The following RAB3GAP1 variants were observed in gnomAD, a reference collection of about 807,000 sequenced individuals.
RAB3GAP1 encodes RAB3 GTPase activating protein catalytic subunit 1.
Under a neutral mutation model 130.7 loss-of-function variants are expected in RAB3GAP1, and 86 were observed. That is an observed-to-expected ratio of 0.66 (90% CI 0.55 to 0.79). The LOEUF (loss-of-function observed/expected upper bound fraction) is 0.79, where lower values mean the gene tolerates loss of function less well. Ranked by LOEUF, RAB3GAP1 falls within the 30% of genes least tolerant of loss-of-function variation. The pLI is 0.00. For synonymous variants in RAB3GAP1, 367 were observed against 401.7 expected, an observed-to-expected ratio of 0.91 and a Z score of 1.03; for missense variants, 1,029 against 1,169.4, an observed-to-expected ratio of 0.88 and a Z score of 1.75.
intron 7 of RAB3GAP1, among the ~76,000 whole-genome samples, chr2:135,117,408 A>C (rs1691002444): frequency 4.9e-5 from 2 of 40,672 alleles, no homozygotes; most frequent in South Asian, 1.8e-3. Context: ...TCAATACTTT[A>C]TTTCTTCTTC....
chr2:135,059,911 G>A (rs949333763), intron 3 of RAB3GAP1, among the ~76,000 whole-genome samples: 2 of 152,048 alleles, frequency 1.3e-5, no homozygotes, highest in South Asian at 4.1e-4. Context: ...AAAGTGTAGA[G>A]GACAGGGATT....
At chr2:135,138,375 G>A (rs757432933) in intron 17 of RAB3GAP1, among the ~76,000 whole-genome samples, 4 of 151,744 alleles carry the variant, frequency 2.6e-5, no homozygotes, top group Non-Finnish European at 4.4e-5. Flanking sequence ...AATTGAGCCC[G>A]GGAGGTTAAG....
chr2:135,090,339 G>T (rs1690108460), intron 3 of RAB3GAP1, among the ~76,000 whole-genome samples: 2 of 151,982 alleles, frequency 1.3e-5, no homozygotes. Flanking sequence ...ATCTAGTTTG[G>T]GGCTATCTGT....
intron 3 of RAB3GAP1, among the ~76,000 whole-genome samples, chr2:135,072,818 G>A (rs1298175000): frequency 6.6e-6 from 1 of 152,014 alleles, no homozygotes; most frequent in South Asian, 2.1e-4. Context: ...TTTTTCTTCT[G>A]TTAGTAAGTT....
intron 14 of RAB3GAP1, among the ~76,000 whole-genome samples, chr2:135,133,424 A>G (rs943584088): frequency 6.6e-6 from 1 of 152,110 alleles, no homozygotes; most frequent in South Asian, 2.1e-4. Flanking sequence ...GTGTAGATAT[A>G]TATCAACCTT....
At chr2:135,094,758 G>A (rs1184667068) in intron 5 of RAB3GAP1, among the ~76,000 whole-genome samples, 1 of 151,928 alleles carries the variant, frequency 6.6e-6, no homozygotes, top group Non-Finnish European at 1.5e-5. Flanking sequence ...AGTTCAGTTT[G>A]TTTGTTTTTT....
chr2:135,112,979 A>AG (rs1230734087), intron 5 of RAB3GAP1, among the ~76,000 whole-genome samples, 172 bp from the exon 6 acceptor site: 1 of 152,178 alleles, frequency 6.6e-6, no homozygotes, highest in Non-Finnish European at 1.5e-5. Flanking sequence ...GGATGATGGA[A>AG]GTGCTTCTTA....
intron 17 of RAB3GAP1, among the ~76,000 whole-genome samples, chr2:135,141,169 ATATGAG>A (rs1205752150): frequency 4.8e-5 from 7 of 146,684 alleles, no homozygotes; most frequent in African/African-American, 1.8e-4. Context: ...TATATTCTGG[ATATGAG>A]TCCTTAGATA....
intron 18 of RAB3GAP1, among the ~76,000 whole-genome samples, chr2:135,151,866 G>A (rs1692184903): frequency 1.3e-5 from 2 of 152,184 alleles, no homozygotes; most frequent in South Asian, 4.1e-4. Context: ...GGCATGCACG[G>A]GAGGACATTC....
intron 7 of RAB3GAP1, among the ~76,000 whole-genome samples, chr2:135,117,510 TCTG>T (rs1691022723): frequency 1.6e-4 from 12 of 76,906 alleles, no homozygotes; most frequent in African/African-American, 2.5e-4. Flanking sequence ...TTCTTCTTCT[TCTG>T]CTTCTTCTGC....
chr2:135,117,729 TCTTCTTCTG>T (rs1691061293), intron 7 of RAB3GAP1, among the ~76,000 whole-genome samples: 1 of 148,594 alleles, frequency 6.7e-6, no homozygotes, highest in African/African-American at 2.5e-5. Context: ...TTCTGCTTCT[TCTTCTTCTG>T]CTTCTTCTTC....
intron 8 of RAB3GAP1, 52 bp downstream of exon 8, chr2:135,120,970 G>A: frequency 2.4e-6 from 3 of 1,235,050 alleles, no homozygotes; most frequent in East Asian, 2.3e-5. Context: ...TGGAAAAGAA[G>A]ATACATTCAG....
Position 135,135,251 on chromosome 2 carries a change from ACTTT to A in RAB3GAP1, c.1500-13_1500-10del. 6.2e-7 allele frequency: 1 copy of A among 1,600,972 alleles called. No homozygotes were observed. The highest frequency in any genetic ancestry group is 8.6e-7 in the Non-Finnish European group (1 of 1,168,250). ...TAAAACTAAGCTTTCTTTTCTCCTT[ACTTT>A]ATTTGATAGATTAGCAAGTGGACCC... On this transcript the variant is annotated splice_polypyrimidine_tract_variant and intron_variant, in intron 15 of 23. Coordinates refer to ENST00000264158, the MANE Select transcript of RAB3GAP1 (RefSeq NM_012233.3).
At chr2:135,092,304 G>A (rs1460840066) in intron 4 of RAB3GAP1, among the ~76,000 whole-genome samples, 1 of 152,156 alleles carries the variant, frequency 6.6e-6, no homozygotes, top group Admixed American at 6.6e-5. Flanking sequence ...TCAAGATAGC[G>A]AAAATTTAAG....
At chr2:135,057,524 A>T (rs2104821191) in intron 2 of RAB3GAP1, among the ~76,000 whole-genome samples, 1 of 152,248 alleles carries the variant, frequency 6.6e-6, no homozygotes, top group Admixed American at 6.5e-5. Flanking sequence ...CCTCCTGCGT[A>T]GCTGGGATTA....
At chr2:135,076,600 C>T (rs1327554327) in intron 3 of RAB3GAP1, among the ~76,000 whole-genome samples, 2 of 152,120 alleles carry the variant, frequency 1.3e-5, no homozygotes, top group Non-Finnish European at 2.9e-5. Context: ...TATTTTCCCT[C>T]ATCTGTCATT....
downstream of RAB3GAP1, among the ~76,000 whole-genome samples, chr2:135,172,094 T>C (rs1482518393): frequency 6.6e-6 from 1 of 152,132 alleles, no homozygotes; most frequent in Non-Finnish European, 1.5e-5. Context: ...AGGGAAGCCA[T>C]TGGAGAGTTT....
intron 3 of RAB3GAP1, among the ~76,000 whole-genome samples, chr2:135,072,669 A>ATT (rs957857818): frequency 6.6e-6 from 1 of 152,114 alleles, no homozygotes; most frequent in African/African-American, 2.4e-5. Context: ...AACATCCCTT[A>ATT]TTTTTAAACA....
intron 3 of RAB3GAP1, among the ~76,000 whole-genome samples, chr2:135,072,926 C>G (rs1358092834): frequency 1.3e-5 from 2 of 152,094 alleles, no homozygotes; most frequent in Non-Finnish European, 2.9e-5. Flanking sequence ...AAGAGATTGC[C>G]CAGTTAGATT....
Sources: allele counts gnomAD v4.1 joint callset (sites outside exome capture counted in the v4.1 genomes callset), GRCh38; gene constraint gnomAD v4.1.1; transcripts MANE v1.5; gene names NCBI Gene and HGNC (gene_info 2026-07-23, HGNC 2026-07-21).